TMEM266: variants seen among roughly 807,000 people sequenced by gnomAD.
The protein encoded by TMEM266 is transmembrane protein 266.
A neutral mutation model predicts 50.5 loss-of-function variants in TMEM266; 33 were observed. That is an observed-to-expected ratio of 0.65 (90% CI 0.50 to 0.87). The LOEUF is 0.87. Ranked by LOEUF, TMEM266 falls within the 40% of genes least tolerant of loss-of-function variation. The probability of loss-of-function intolerance (pLI) is 0.00; values close to 1 mark genes in which losing one functional copy is unlikely to be tolerated. For synonymous variants in TMEM266, 310 were observed against 292.3 expected, an observed-to-expected ratio of 1.06 and a Z score of -0.62; for missense variants, 655 against 695.1, an observed-to-expected ratio of 0.94 and a Z score of 0.65.
intron 1 of TMEM266, among the ~76,000 whole-genome samples, chr15:76,128,873 C>G (rs1596122275): frequency 6.6e-6 from 1 of 152,194 alleles, no homozygotes; most frequent in East Asian, 1.9e-4. Flanking sequence ...TTCAGGGAAT[C>G]TGCTCCTCCG....
At chr15:76,149,116 C>T (rs2037799604) in intron 3 of TMEM266, among the ~76,000 whole-genome samples, 1 of 152,136 alleles carries the variant, frequency 6.6e-6, no homozygotes, top group South Asian at 2.1e-4. Flanking sequence ...TCCTGTGGTT[C>T]TGGTTCTCTC....
chr15:76,171,202 G>A, intron 7 of TMEM266, 71 bp downstream of exon 7: 1 of 1,573,418 alleles, frequency 6.4e-7, no homozygotes, highest in Non-Finnish European at 8.6e-7. Flanking sequence ...GAGAGGAGAT[G>A]CCGTGTGATG....
rs948649545 is a variant in TMEM266 at position 76,153,789 on chromosome 15, A to G, written c.228-2815A>G. Among the ~76,000 whole-genome samples the G allele has an allele frequency of 3.2e-4, 49 of 152,176 alleles. No homozygotes were observed. Among genetic ancestry groups the G allele is most frequent in the African/African-American group, 1.1e-3 (46 of 41,448 alleles). ...GTAGGTGAGGCCGGAAGGAAGAATC[A>G]GGAGGTGAGGAGGGTGGCCAAGTGA... On this transcript the variant is annotated intron_variant, in intron 3 of 10. Transcript: ENST00000388942. The surrounding 1 kb of genome is among the most constrained non-coding windows in gnomAD (Gnocchi z 4.2).
At chr15:76,172,708 A>G (rs1188786851) in intron 7 of TMEM266, among the ~76,000 whole-genome samples, 2 of 152,152 alleles carry the variant, frequency 1.3e-5, no homozygotes, top group African/African-American at 4.8e-5. Context: ...AGATGGGGAA[A>G]CTGAGGCCAA....
chr15:76,148,602 C>T (rs571165927), intron 3 of TMEM266, among the ~76,000 whole-genome samples: 21 of 152,294 alleles, frequency 1.4e-4, no homozygotes, highest in African/African-American at 4.8e-4. Context: ...TACATGGCAG[C>T]CCTTCTGAGA....
intron 8 of TMEM266, among the ~76,000 whole-genome samples, chr15:76,182,984 C>G (rs1236540703): frequency 6.6e-6 from 1 of 151,840 alleles, no homozygotes; most frequent in Non-Finnish European, 1.5e-5. Flanking sequence ...AGTCCTGACA[C>G]AGGAGGAGTA....
At chr15:76,130,321 T>C (rs1389126074) in intron 1 of TMEM266, among the ~76,000 whole-genome samples, 1 of 146,550 alleles carries the variant, frequency 6.8e-6, no homozygotes, top group Non-Finnish European at 1.5e-5. Context: ...TTGGCTCACT[T>C]GAGGTTGGGA....
Position 76,131,228 on chromosome 15 carries a change from G to A in TMEM266, c.-96-2940G>A, listed in dbSNP as rs111979760. Among the ~76,000 whole-genome samples, 752 of 152,264 alleles carry A rather than the reference G, an allele frequency of 4.9e-3. 7 individuals carry two copies. The highest frequency in any genetic ancestry group is 0.017 in the African/African-American group (719 of 41,554). ...CTAAAAACACAAAAATTAGCCAGGC[G>A]TGGTGGCAGGCACCTGTAATCCCAG... On this transcript the variant is annotated intron_variant, in intron 1 of 10. Transcript: ENST00000388942.
chr15:76,190,958 C>T (rs1217182731), intron 8 of TMEM266, among the ~76,000 whole-genome samples: 2 of 152,168 alleles, frequency 1.3e-5, no homozygotes, highest in Non-Finnish European at 2.9e-5. Flanking sequence ...GCTCTCCTTC[C>T]CGCGAGCCCG....
rs183902634 is a variant in TMEM266 at position 76,064,635 on chromosome 15, T to G, written c.-97+4619T>G. On this transcript the variant is annotated intron_variant, in intron 1 of 10. Coordinates refer to ENST00000388942, the MANE Select transcript of TMEM266 (RefSeq NM_152335.3). ...GTCTGAATTACCCGCCAGGAGAGGA[T>G]TTCCCCTTCAAAAAACACAGCCTCC... Among the ~76,000 whole-genome samples, 447 of 152,314 alleles carry G rather than the reference T, an allele frequency of 2.9e-3. 5 individuals carry two copies. Among genetic ancestry groups the G allele is most frequent in the African/African-American group, 0.01 (423 of 41,550 alleles).
intron 9 of TMEM266, among the ~76,000 whole-genome samples, chr15:76,198,397 T>C (rs1438244939): frequency 6.6e-6 from 1 of 152,212 alleles, no homozygotes; most frequent in Non-Finnish European, 1.5e-5. Context: ...CAGGGGCTTA[T>C]TCTTAGATGG....
chr15:76,104,223 A>G, intron 1 of TMEM266, among the ~76,000 whole-genome samples: 1 of 150,450 alleles, frequency 6.6e-6, no homozygotes, highest in African/African-American at 2.5e-5. Flanking sequence ...AAAAAATTAT[A>G]TTTGGGAGTC....
At chr15:76,147,795 C>G (rs1360266742) in intron 3 of TMEM266, among the ~76,000 whole-genome samples, 1 of 152,156 alleles carries the variant, frequency 6.6e-6, no homozygotes, top group East Asian at 1.9e-4. Context: ...CTTTGGGAGG[C>G]CAAGGCCTGC....
At chr15:76,078,737 A>G (rs1210352689) in intron 1 of TMEM266, among the ~76,000 whole-genome samples, 1 of 152,216 alleles carries the variant, frequency 6.6e-6, no homozygotes. Flanking sequence ...AGGGAAGAAC[A>G]ACCTCAACTC....
At chr15:76,130,764 G>A (rs1479321201) in intron 1 of TMEM266, among the ~76,000 whole-genome samples, 1 of 151,996 alleles carries the variant, frequency 6.6e-6, no homozygotes, top group Non-Finnish European at 1.5e-5. Flanking sequence ...GGAATTAGAG[G>A]TCCATGATAC....
At position 76,141,587 on chromosome 15, in the gene TMEM266, A is replaced by G. The variant is rs564077040; in HGVS notation, c.227+3692A>G. Reference sequence around the variant, plus strand: ...ATTTTTTAAAAATGTGGTAAAATACATGTAACAAAATGTACCATCTTAACC... The same window carrying G: ...ATTTTTTAAAAATGTGGTAAAATACGTGTAACAAAATGTACCATCTTAACC... On this transcript the variant is annotated intron_variant, in intron 3 of 10. Coordinates refer to ENST00000388942, the MANE Select transcript of TMEM266 (RefSeq NM_152335.3). Among the ~76,000 whole-genome samples, 5 of 152,296 alleles carry G rather than the reference A, an allele frequency of 3.3e-5. No homozygotes were observed. The South Asian group carries it at 6.2e-4, about 19-fold the overall frequency.
chr15:76,191,557 G>C (rs1254738018), intron 8 of TMEM266: 1 of 156,890 alleles, frequency 6.4e-6, no homozygotes, highest in Non-Finnish European at 1.4e-5. Flanking sequence ...TGGGTGTCCT[G>C]AGGTTTCCTG....
intron 8 of TMEM266, among the ~76,000 whole-genome samples, chr15:76,187,976 AG>A (rs1353590777): frequency 6.6e-5 from 10 of 152,124 alleles, no homozygotes; most frequent in African/African-American, 2.2e-4. Flanking sequence ...GGAGGGTGGC[AG>A]GGGTGTGCTG....
intron 3 of TMEM266, among the ~76,000 whole-genome samples, chr15:76,142,230 A>G (rs372828920): frequency 2.1e-4 from 32 of 152,326 alleles, no homozygotes; most frequent in African/African-American, 7.7e-4. Flanking sequence ...CACTACTAAA[A>G]ATACAAAAAT....
Sources: allele counts gnomAD v4.1 joint callset (sites outside exome capture counted in the v4.1 genomes callset), GRCh38; gene constraint gnomAD v4.1.1; non-coding constraint Gnocchi (gnomAD v3.1); transcripts MANE v1.5; gene names NCBI Gene and HGNC (gene_info 2026-07-23, HGNC 2026-07-21).